Variants in CDH13 observed in about 807,000 individuals in gnomAD.
CDH13 encodes the protein cadherin 13, also known as cadherin-13.
In CDH13, 24 loss-of-function variants were observed where a neutral mutation model predicts 63.8. The ratio of observed to expected loss-of-function variants is 0.38; its 90% CI spans 0.27 to 0.53. CDH13 has a LOEUF of 0.53. CDH13 is among the 20% of genes least tolerant of loss of function. The pLI, the probability that CDH13 is intolerant of heterozygous loss-of-function variation, is 0.85. For synonymous variants in CDH13, 503 were observed against 355.3 expected, an observed-to-expected ratio of 1.42 and a Z score of -4.67; for missense variants, 1,049 against 903.1, an observed-to-expected ratio of 1.16 and a Z score of -2.07.
chr16:82,710,715 A>G (rs949430811), intron 1 of CDH13, among the ~76,000 whole-genome samples: 22 of 146,486 alleles, frequency 1.5e-4, no homozygotes, highest in African/African-American at 4.2e-4. Context: ...TATTTTATAT[A>G]TTGTATGTTT....
chr16:83,523,838 G>T (rs1309543197), intron 7 of CDH13, among the ~76,000 whole-genome samples: 3 of 152,192 alleles, frequency 2.0e-5, no homozygotes, highest in African/African-American at 7.2e-5. Flanking sequence ...TCAGTCCCTC[G>T]TTATGCAGCT....
intron 4 of CDH13, among the ~76,000 whole-genome samples, chr16:83,132,144 C>G (rs2036081408): frequency 6.6e-6 from 1 of 152,150 alleles, no homozygotes; most frequent in South Asian, 2.1e-4. Context: ...ATTTGCCTCA[C>G]TTTGAAGACC....
At chr16:82,759,344 T>C (rs549143922) in intron 1 of CDH13, among the ~76,000 whole-genome samples, 4 of 152,318 alleles carry the variant, frequency 2.6e-5, no homozygotes, top group African/African-American at 9.6e-5. Flanking sequence ...TTTGGGATTA[T>C]TCAAACTGAG....
At chr16:82,870,748 C>G (rs929196356) in intron 2 of CDH13, among the ~76,000 whole-genome samples, 6 of 152,090 alleles carry the variant, frequency 3.9e-5, no homozygotes, top group Non-Finnish European at 8.8e-5. Context: ...CATAGGTCCC[C>G]TCTAAAAATA....
rs1383408393 is a variant in CDH13, at chr16:83,517,115, TC to T, written c.960+30463del. ...GTGAATTCCTGGAATCTCTTGCTGA[TC>T]CCAGAGAGACTACAGTTCTAGCATA... On this transcript the variant is annotated intron_variant, in intron 7 of 13. Transcript: ENST00000567109. 2.0e-5 allele frequency among the ~76,000 whole-genome samples: 3 copies of T among 152,304 alleles called. No individual in the cohort carries two copies. In the East Asian group the frequency reaches 5.8e-4, roughly 29 times the overall value.
intron 4 of CDH13, among the ~76,000 whole-genome samples, chr16:83,136,233 C>A (rs567859731): frequency 6.6e-6 from 1 of 151,320 alleles, no homozygotes; most frequent in East Asian, 1.9e-4. Flanking sequence ...CCTGTAATCC[C>A]AGCACTTTGG....
Position 83,311,160 on chromosome 16 carries a change from A to G in CDH13, c.637-33702A>G, listed in dbSNP as rs957408986. The stretch of plus-strand genomic sequence containing the variant: ...AAATTAAATCCCTGACTGGGTCTCA[A>G]GTTCCTACTTGTCATATGAATCAGT... On this transcript the variant is annotated intron_variant, in intron 5 of 13. Coordinates refer to ENST00000567109, the MANE Select transcript of CDH13 (RefSeq NM_001257.5). Among the ~76,000 whole-genome samples the G allele has an allele frequency of 5.3e-4, 80 of 152,152 alleles. 1 individual carries two copies. The highest frequency in any genetic ancestry group is 1.7e-4 in the African/African-American group (7 of 41,430).
intron 1 of CDH13, among the ~76,000 whole-genome samples, chr16:82,845,232 G>T (rs2039208499): frequency 6.6e-6 from 1 of 152,212 alleles, no homozygotes; most frequent in South Asian, 2.1e-4. Flanking sequence ...ATGACTCTCA[G>T]ACGTGTCTGT....
chr16:83,246,673 G>C (rs942526739), intron 5 of CDH13, among the ~76,000 whole-genome samples: 1 of 152,092 alleles, frequency 6.6e-6, no homozygotes, highest in Non-Finnish European at 1.5e-5. Flanking sequence ...TCACTTGAAC[G>C]GGTGAAATTA....
rs115844112 is a variant in CDH13, at chr16:83,351,540, G to T, written c.781+6534G>T. On this transcript the variant is annotated intron_variant, in intron 6 of 13. Transcript: ENST00000567109. Reference sequence around the variant, plus strand: ...TCTCTTCACTCCTCAGGGTCCTATGGACATTTTTGTAAATCAATAAACATC... The same window carrying T: ...TCTCTTCACTCCTCAGGGTCCTATGTACATTTTTGTAAATCAATAAACATC... Among the ~76,000 whole-genome samples, 1,272 of 152,178 alleles carry T rather than the reference G, an allele frequency of 8.4e-3. 18 individuals carry two copies. The highest frequency in any genetic ancestry group is 0.029 in the African/African-American group (1,215 of 41,508).
At chr16:83,352,175 T>C (rs959981770) in intron 6 of CDH13, among the ~76,000 whole-genome samples, 3 of 150,290 alleles carry the variant, frequency 2.0e-5, no homozygotes, top group Non-Finnish European at 4.4e-5. Flanking sequence ...TAAATGTGTT[T>C]TATGGTCGCC....
intron 2 of CDH13, among the ~76,000 whole-genome samples, chr16:82,936,999 A>G (rs978884134): frequency 6.6e-6 from 1 of 152,160 alleles, no homozygotes; most frequent in African/African-American, 2.4e-5. Flanking sequence ...CATCAGCACA[A>G]CCAAAACAAA....
At chr16:83,530,397 C>G (rs753127018) in intron 7 of CDH13, among the ~76,000 whole-genome samples, 14 of 152,198 alleles carry the variant, frequency 9.2e-5, no homozygotes, top group Admixed American at 2.0e-4. Context: ...GCATTTCCAG[C>G]TGGCTGTCTA....
intron 3 of CDH13, among the ~76,000 whole-genome samples, chr16:83,082,747 A>T (rs1016576146): frequency 2.0e-5 from 3 of 152,246 alleles, no homozygotes; most frequent in African/African-American, 4.8e-5. Flanking sequence ...AGGCTGTAGA[A>T]GTAAGTACAG....
rs2037713240 is a variant in CDH13 at position 82,816,431 on chromosome 16, A to G, written c.46-41931A>G. On this transcript the variant is annotated intron_variant, in intron 1 of 13. Coordinates refer to ENST00000567109, the MANE Select transcript of CDH13 (RefSeq NM_001257.5). ...AGTAAAATGTGTGCTGGTTTTGTGC[A>G]TGAAGATGGCAAAGGCTATGGAGAA... is the stretch of plus-strand genomic sequence containing the variant. Among the ~76,000 whole-genome samples the G allele has an allele frequency of 2.0e-5, 3 of 152,194 alleles. No homozygotes were observed. In the South Asian group the frequency reaches 6.2e-4, roughly 31 times the overall value.
Position 83,464,738 on chromosome 16 carries a change from CA to C in CDH13, c.782-21738del, listed in dbSNP as rs547049152. Among the ~76,000 whole-genome samples, 16 of 152,258 alleles carry C rather than the reference CA, an allele frequency of 1.1e-4. No homozygotes were observed. In the East Asian group the frequency reaches 1.4e-3, roughly 13 times the overall value. On this transcript the variant is annotated intron_variant, in intron 6 of 13. Coordinates refer to ENST00000567109, the MANE Select transcript of CDH13 (RefSeq NM_001257.5). ...ACCATAACCTCATTTTAACTAATTA[CA>C]TCCGAAAAGACACATTCTGAGATTC...
intron 1 of CDH13, among the ~76,000 whole-genome samples, chr16:82,787,426 A>G (rs1283303613): frequency 6.6e-5 from 10 of 152,238 alleles, no homozygotes; most frequent in Admixed American, 6.5e-4. Context: ...AATTTCCGTC[A>G]CAGAAGGCAG....
At chr16:82,897,524 C>T (rs184507949) in intron 2 of CDH13, among the ~76,000 whole-genome samples, 14 of 152,344 alleles carry the variant, frequency 9.2e-5, no homozygotes, top group African/African-American at 1.7e-4. Context: ...TTTACAGCAA[C>T]GCTGGGAGCT....
intron 1 of CDH13, among the ~76,000 whole-genome samples, chr16:82,776,878 C>G (rs926068291): frequency 6.6e-6 from 1 of 152,174 alleles, no homozygotes; most frequent in Non-Finnish European, 1.5e-5. Context: ...CCTGGAAATT[C>G]TGGTGGAAGC....
Sources: gnomAD v4.1 joint callset for allele counts (sites outside exome capture counted in the v4.1 genomes callset) on GRCh38, gnomAD v4.1.1 for gene constraint, MANE v1.5 for transcripts, NCBI Gene and HGNC (gene_info 2026-07-23, HGNC 2026-07-21) for gene names.